BMAL2: variants seen among roughly 807,000 people sequenced by gnomAD.
The protein encoded by BMAL2 is basic helix-loop-helix ARNT-like protein 2.
chr12:27,420,320 T>C, the BMAL2 span: 1 of 1,568,088 alleles, frequency 6.4e-7, no homozygotes, highest in Non-Finnish European at 8.7e-7. Flanking sequence ...ACAATCATTT[T>C]TTAACCTCAA....
At chr12:27,371,780 G>A in the BMAL2 span, among the ~76,000 whole-genome samples, 2 of 152,170 alleles carry the variant, frequency 1.3e-5, no homozygotes, top group South Asian at 4.1e-4. Context: ...ACTATTAAGT[G>A]TACAATTAAT....
chr12:27,336,947 CAAAAAAAAA>C, the BMAL2 span, among the ~76,000 whole-genome samples: 3 of 73,822 alleles, frequency 4.1e-5, no homozygotes, highest in African/African-American at 1.1e-4. Flanking sequence ...GAGACTGTCT[CAAAAAAAAA>C]AAAAAAAAAA....
chr12:27,411,108 A>G, the BMAL2 span, among the ~76,000 whole-genome samples: 1 of 152,130 alleles, frequency 6.6e-6, no homozygotes, highest in Non-Finnish European at 1.5e-5. Flanking sequence ...ACATTGTAGT[A>G]TACAGAATAG....
chr12:27,372,733 G>T, the BMAL2 span, among the ~76,000 whole-genome samples: 1 of 152,046 alleles, frequency 6.6e-6, no homozygotes, highest in African/African-American at 2.4e-5. Context: ...GAGTGCAGTG[G>T]CGTGATCTCG....
the BMAL2 span, chr12:27,333,078 G>C: frequency 2.5e-6 from 3 of 1,205,002 alleles, no homozygotes; most frequent in Non-Finnish European, 3.1e-6. Context: ...CTGCGATGGC[G>C]GCGGAAGAGG....
chr12:27,350,560 G>T, the BMAL2 span, among the ~76,000 whole-genome samples: 2 of 152,156 alleles, frequency 1.3e-5, no homozygotes, highest in African/African-American at 4.8e-5. Context: ...GTCCATAGTT[G>T]TTCTTTGGTT....
At chr12:27,416,644 G>C in the BMAL2 span, among the ~76,000 whole-genome samples, 1 of 152,122 alleles carries the variant, frequency 6.6e-6, no homozygotes, top group Non-Finnish European at 1.5e-5. Context: ...TCTGACCAGG[G>C]ACAGACAGAA....
chr12:27,352,241 T>A, the BMAL2 span, among the ~76,000 whole-genome samples: 4 of 152,236 alleles, frequency 2.6e-5, no homozygotes, highest in African/African-American at 9.6e-5. Context: ...GGGAACATTA[T>A]ATACAATGAG....
chr12:27,398,610 A>G, the BMAL2 span, among the ~76,000 whole-genome samples: 1 of 152,234 alleles, frequency 6.6e-6, no homozygotes, highest in Non-Finnish European at 1.5e-5. Context: ...AGTTGATAGA[A>G]TTACACAATC....
chr12:27,394,331 A>G, the BMAL2 span: 2 of 152,358 alleles, frequency 1.3e-5, no homozygotes, highest in African/African-American at 4.8e-5. Context: ...TGGTGGCTTG[A>G]GTCCCAGGTA....
the BMAL2 span, among the ~76,000 whole-genome samples, chr12:27,341,766 G>A: frequency 6.6e-6 from 1 of 152,126 alleles, no homozygotes. Context: ...ATGGGACAAA[G>A]CTGAAGACCC....
chr12:27,402,644 T>C, the BMAL2 span: 3 of 1,612,686 alleles, frequency 1.9e-6, no homozygotes, highest in Non-Finnish European at 2.5e-6. Flanking sequence ...TGGAGAAGCA[T>C]CATTTTTACC....
chr12:27,398,746 T>C, the BMAL2 span, among the ~76,000 whole-genome samples: 13 of 152,206 alleles, frequency 8.5e-5, no homozygotes, highest in Non-Finnish European at 1.6e-4. Context: ...TTCTATGTGA[T>C]GAGATTACAT....
At chr12:27,409,036 A>G in the BMAL2 span, among the ~76,000 whole-genome samples, 1 of 152,196 alleles carries the variant, frequency 6.6e-6, no homozygotes, top group Admixed American at 6.5e-5. Flanking sequence ...CCAACTTACA[A>G]GGGATGTGAA....
the BMAL2 span, among the ~76,000 whole-genome samples, chr12:27,373,388 C>A: frequency 6.6e-6 from 1 of 152,098 alleles, no homozygotes; most frequent in African/African-American, 2.4e-5. Flanking sequence ...ATTTATAGAA[C>A]CTTCAAACAG....
chr12:27,398,316 T>A, the BMAL2 span, among the ~76,000 whole-genome samples: 20,602 of 152,006 alleles, frequency 0.14, 1,973 homozygotes, highest in East Asian at 0.46. Flanking sequence ...TTTTTCTCCC[T>A]CTCCTCACCC....
chr12:27,368,240 T>G, the BMAL2 span: 2 of 1,612,128 alleles, frequency 1.2e-6, no homozygotes, highest in East Asian at 4.5e-5. Context: ...ATAAATGTCT[T>G]GTTGTACTCT....
the BMAL2 span, among the ~76,000 whole-genome samples, chr12:27,379,831 C>T: frequency 6.6e-6 from 1 of 151,474 alleles, no homozygotes; most frequent in Non-Finnish European, 1.5e-5. Context: ...GGGGAAGATA[C>T]TTGAGCACAT....
At chr12:27,385,983 G>A in the BMAL2 span, among the ~76,000 whole-genome samples, 2 of 151,978 alleles carry the variant, frequency 1.3e-5, no homozygotes, top group African/African-American at 2.4e-5. Context: ...CCTGTGCATG[G>A]CTTTTCAGAT....
Sources: gnomAD v4.1 joint callset for allele counts (sites outside exome capture counted in the v4.1 genomes callset) on GRCh38, gnomAD v4.1.1 for gene constraint, MANE v1.5 for transcripts, NCBI Gene and HGNC (gene_info 2026-07-23, HGNC 2026-07-21) for gene names.